The following PAG1 variants were observed in gnomAD, a reference collection of about 807,000 sequenced individuals.
PAG1 encodes the protein phosphoprotein membrane anchor with glycosphingolipid microdomains 1, also known as phosphoprotein associated with glycosphingolipid-enriched microdomains 1.
A neutral mutation model predicts 31.7 loss-of-function variants in PAG1; 23 were observed. The ratio of observed to expected loss-of-function variants is 0.73; its 90% CI spans 0.52 to 1.03. The LOEUF (loss-of-function observed/expected upper bound fraction) is 1.03. Ranked by LOEUF, PAG1 falls within the 50% of genes least tolerant of loss-of-function variation. The pLI, the probability that PAG1 is intolerant of heterozygous loss-of-function variation, is 0.00. For synonymous variants in PAG1, 214 were observed against 210.3 expected, an observed-to-expected ratio of 1.02 and a Z score of -0.15; for missense variants, 473 against 540.7, an observed-to-expected ratio of 0.87 and a Z score of 1.24.
chr8:81,100,998 T>C (rs925391209), intron 1 of PAG1, among the ~76,000 whole-genome samples: 12 of 152,218 alleles, frequency 7.9e-5, no homozygotes, highest in African/African-American at 2.9e-4. Flanking sequence ...GAAAATGCTA[T>C]TGAATATTTA....
intron 3 of PAG1, 86 bp downstream of exon 3, chr8:81,029,910 C>CCTACAAT (rs1435674735): frequency 6.6e-6 from 1 of 152,218 alleles, no homozygotes; most frequent in African/African-American, 2.4e-5. Flanking sequence ...CTGTATGAGA[C>CCTACAAT]TAAACAATTA....
intron 8 of PAG1, among the ~76,000 whole-genome samples, chr8:80,977,594 T>G (rs143607777): frequency 3.8e-4 from 58 of 152,328 alleles, no homozygotes; most frequent in Admixed American, 7.2e-4. Flanking sequence ...TTGACTTAGT[T>G]GCGTATTACT....
At chr8:81,085,972 G>GTGTTTTTTTTTTT (rs1809345255) in intron 1 of PAG1, among the ~76,000 whole-genome samples, 9 of 58,906 alleles carry the variant, frequency 1.5e-4, no homozygotes, top group African/African-American at 5.8e-4. Flanking sequence ...AATCTGGCTT[G>GTGTTTTTTTTTTT]TTTTTTTTTT....
At chr8:81,090,712 G>A (rs79949693) in intron 1 of PAG1, among the ~76,000 whole-genome samples, 1,983 of 152,294 alleles carry the variant, frequency 0.013, 42 homozygotes, top group African/African-American at 0.044. Context: ...ACGAACTCTA[G>A]GGAGTGGTTT....
At chr8:81,011,284 C>T (rs1271719922) in intron 3 of PAG1, among the ~76,000 whole-genome samples, 1 of 152,194 alleles carries the variant, frequency 6.6e-6, no homozygotes, top group Non-Finnish European at 1.5e-5. Context: ...ACGGGAGAGA[C>T]CTGGCGGGAG....
intron 1 of PAG1, among the ~76,000 whole-genome samples, chr8:81,084,113 G>A (rs1361589198): frequency 6.6e-6 from 1 of 151,970 alleles, no homozygotes. Context: ...TCACTATTGT[G>A]TGTTGCTTGG....
chr8:81,099,358 A>G (rs1300435370), intron 1 of PAG1, among the ~76,000 whole-genome samples: 1 of 152,170 alleles, frequency 6.6e-6, no homozygotes, highest in Non-Finnish European at 1.5e-5. Context: ...CAGAGTTACA[A>G]AAGTAGTAGA....
intron 1 of PAG1, among the ~76,000 whole-genome samples, chr8:81,086,164 G>T (rs1809352932): frequency 6.6e-6 from 1 of 150,702 alleles, no homozygotes; most frequent in Non-Finnish European, 1.5e-5. Context: ...TGTATTTTTA[G>T]TAGAGACGGG....
At chr8:81,009,218 T>TA (rs1807938302) in intron 3 of PAG1, among the ~76,000 whole-genome samples, 1 of 152,202 alleles carries the variant, frequency 6.6e-6, no homozygotes, top group African/African-American at 2.4e-5. Flanking sequence ...TCATATGTTT[T>TA]AAAAAACCTT....
intron 1 of PAG1, among the ~76,000 whole-genome samples, chr8:81,101,704 A>G (rs1248592032): frequency 6.6e-6 from 1 of 152,158 alleles, no homozygotes. Flanking sequence ...TAAATCCACT[A>G]ACAGAAAGAA....
intron 2 of PAG1, among the ~76,000 whole-genome samples, chr8:81,057,565 G>A (rs1022059971): frequency 5.4e-5 from 7 of 130,634 alleles, no homozygotes; most frequent in African/African-American, 1.7e-4. Flanking sequence ...GGGGCCTGTC[G>A]TGGGGTCGGG....
chr8:81,087,397 G>A (rs1024992613), intron 1 of PAG1, among the ~76,000 whole-genome samples: 24 of 150,480 alleles, frequency 1.6e-4, no homozygotes, highest in Admixed American at 8.6e-4. Flanking sequence ...GTGACTACAT[G>A]TGCCCTTGTA....
chr8:81,109,439 G>A (rs909704570), intron 1 of PAG1, among the ~76,000 whole-genome samples: 1 of 152,182 alleles, frequency 6.6e-6, no homozygotes, highest in Non-Finnish European at 1.5e-5. Context: ...CATCTCTAAA[G>A]TAGAGATGAA....
rs1202480351 is a variant in PAG1, at chr8:80,971,587, A to G, written c.*4957T>C. ...ATATGAGACAACCCAAGGGTAGCAC[A>G]TTTTAAAAAATACCCACAGTATATA... On this transcript the variant is annotated 3_prime_UTR_variant, in exon 9 of 9. Transcript: ENST00000220597. 1 of 152,250 alleles carries G rather than the reference A, an allele frequency of 6.6e-6. No individual in the cohort carries two copies. The highest frequency in any genetic ancestry group is 1.5e-5 in the Non-Finnish European group (1 of 68,032). The allele number at this position is 152,250 out of a possible 1,614,324, so 9.4% of individuals were successfully genotyped here.
intron 3 of PAG1, among the ~76,000 whole-genome samples, chr8:80,996,289 G>A (rs1807671634): frequency 6.6e-6 from 1 of 152,228 alleles, no homozygotes; most frequent in African/African-American, 2.4e-5. Flanking sequence ...GTGAGTGTTG[G>A]TGGTGGGGAG....
chr8:81,071,968 C>G (rs754797519), intron 1 of PAG1, among the ~76,000 whole-genome samples: 1 of 152,158 alleles, frequency 6.6e-6, no homozygotes, highest in Non-Finnish European at 1.5e-5. Flanking sequence ...CTGAGTCCTC[C>G]GTGCTTCTGC....
chr8:80,976,696 G>T lies in PAG1; in HGVS notation c.1147C>A (p.Pro383Thr). 1 of 1,614,134 alleles carries T rather than the reference G, an allele frequency of 6.2e-7. No individual in the cohort carries two copies. The highest frequency in any genetic ancestry group is 8.5e-7 in the Non-Finnish European group (1 of 1,180,008). ...LPPAGRPSEE[P>T]EPDYEAIQTL... Reference sequence around the variant, plus strand: ...TGTATCGCTTCATAATCAGGCTCTGGCTCCTCGCTGGGCCTCCCTGCTGGT... The same window carrying T: ...TGTATCGCTTCATAATCAGGCTCTGTCTCCTCGCTGGGCCTCCCTGCTGGT... Residue 383 changes from proline (P) to threonine (T), a missense_variant, in exon 9 of 9, where the codon CCA becomes ACA. Transcript: ENST00000220597.
intron 1 of PAG1, among the ~76,000 whole-genome samples, chr8:81,109,451 C>T (rs1809741180): frequency 6.6e-6 from 1 of 152,196 alleles, no homozygotes; most frequent in African/African-American, 2.4e-5. Context: ...AGAGATGAAG[C>T]CACTTACCTC....
At chr8:81,088,970 A>C (rs1376524384) in intron 1 of PAG1, among the ~76,000 whole-genome samples, 1 of 152,194 alleles carries the variant, frequency 6.6e-6, no homozygotes, top group Non-Finnish European at 1.5e-5. Context: ...CTTATTGTTC[A>C]CTGCTGTAAT....
Sources: gnomAD v4.1 joint callset for allele counts (sites outside exome capture counted in the v4.1 genomes callset) on GRCh38, gnomAD v4.1.1 for gene constraint, MANE v1.5 for transcripts, NCBI Gene and HGNC (gene_info 2026-07-23, HGNC 2026-07-21) for gene names.